The following RBPMS2 variants were observed in gnomAD, a reference collection of about 807,000 sequenced individuals.
The protein encoded by RBPMS2 is RNA-binding protein with multiple splicing 2.
In RBPMS2, 14 loss-of-function variants were observed where a neutral mutation model predicts 25.7. That is an observed-to-expected ratio of 0.55 (90% CI 0.36 to 0.85). The LOEUF is 0.85. RBPMS2 is among the 40% of genes least tolerant of loss of function. The probability of loss-of-function intolerance (pLI) is 0.01; values close to 1 mark genes in which losing one functional copy is unlikely to be tolerated. For missense variants in RBPMS2, 252 were observed against 283.4 expected (o/e 0.89, Z 0.80); for synonymous variants, 127 against 115.6 (o/e 1.10, Z -0.63).
rs112960626 is a variant in RBPMS2, at chr15:64,750,764, G to T, written c.166-383C>A. ...TTTAAAGATTCTTACTGTTAGCTGGGCATCATGGCTCACGTCTGTAATCCC... is the reference window on the plus strand; with the variant it reads ...TTTAAAGATTCTTACTGTTAGCTGGTCATCATGGCTCACGTCTGTAATCCC... On this transcript the variant is annotated intron_variant, in intron 2 of 7. Transcript: ENST00000300069. Among the ~76,000 whole-genome samples, 925 of 152,328 alleles carry T rather than the reference G, an allele frequency of 6.1e-3. 5 individuals are homozygous for T. The highest frequency in any genetic ancestry group is 0.019 in the African/African-American group (806 of 41,574).
intron 1 of RBPMS2, among the ~76,000 whole-genome samples, chr15:64,761,398 G>A (rs1173730644): frequency 2.6e-5 from 4 of 152,316 alleles, no homozygotes; most frequent in East Asian, 3.9e-4. Flanking sequence ...GGGGTCGAGC[G>A]AGTTGCTCGC....
intron 3 of RBPMS2, 58 bp from the exon 4 acceptor site, chr15:64,749,551 C>A: frequency 2.2e-6 from 3 of 1,382,654 alleles, no homozygotes; most frequent in Admixed American, 3.9e-5. Context: ...CCTCTCCCTC[C>A]AAAATAACAA....
At chr15:64,759,066 T>C (rs1350898759) in intron 1 of RBPMS2, among the ~76,000 whole-genome samples, 1 of 152,136 alleles carries the variant, frequency 6.6e-6, no homozygotes, top group Admixed American at 6.6e-5. Context: ...ACTGGAATTA[T>C]AGGTGTGAGC....
chr15:64,764,842 C>T lies in RBPMS2; in HGVS notation c.87+10391G>A, dbSNP rs538411470. Among the ~76,000 whole-genome samples, 122 of 150,136 alleles carry T rather than the reference C, an allele frequency of 8.1e-4. 1 individual carries two copies. The highest frequency in any genetic ancestry group is 2.4e-4 in the Non-Finnish European group (16 of 67,686). ...CCGAGGCAGGAGAATGGTGTGAACCCGGGAGGTGGAGCTGGCAATGAGCTG... is the reference window on the plus strand; with the variant it reads ...CCGAGGCAGGAGAATGGTGTGAACCTGGGAGGTGGAGCTGGCAATGAGCTG... On this transcript the variant is annotated intron_variant, in intron 1 of 7. Transcript: ENST00000300069.
chr15:64,756,597 C>G (rs551456852), intron 1 of RBPMS2, among the ~76,000 whole-genome samples: 2 of 150,944 alleles, frequency 1.3e-5, no homozygotes, highest in South Asian at 4.2e-4. Flanking sequence ...CCTGAGGAAG[C>G]CACTTCATCT....
At position 64,751,742 on chromosome 15, in the gene RBPMS2, G is replaced by C. The variant is rs545335319; in HGVS notation, c.88-104C>G. 20 of 906,828 alleles carry C rather than the reference G, an allele frequency of 2.2e-5. No individual in the cohort carries two copies. In the African/African-American group the frequency reaches 3.3e-4, roughly 15 times the overall value. 56.2% of individuals were successfully genotyped at this position (906,828 alleles called of 1,614,324 possible). A position where few individuals can be genotyped will look rare whatever the true frequency, so the allele number is the denominator to read the frequency against. On this transcript the variant is annotated intron_variant, in intron 1 of 7. Transcript: ENST00000300069. ...AACTGGAATCCTTCTAGAGCTTAGAGGAATTCAGCCTTTCCTGGGCCTCCT... is the reference window on the plus strand; with the variant it reads ...AACTGGAATCCTTCTAGAGCTTAGACGAATTCAGCCTTTCCTGGGCCTCCT...
intron 1 of RBPMS2, among the ~76,000 whole-genome samples, chr15:64,761,929 A>G (rs980673162): frequency 6.6e-6 from 1 of 151,818 alleles, no homozygotes; most frequent in Non-Finnish European, 1.5e-5. Context: ...GCTGGTCTCA[A>G]AAACTCCTGA....
At chr15:64,741,105 G>A in intron 7 of RBPMS2, 68 bp downstream of exon 7, 2 of 1,236,010 alleles carry the variant, frequency 1.6e-6, no homozygotes, top group Non-Finnish European at 2.3e-6. Context: ...GGCAGAGGGA[G>A]GAACTACGGC....
At chr15:64,759,235 G>T (rs1037613378) in intron 1 of RBPMS2, among the ~76,000 whole-genome samples, 3 of 152,182 alleles carry the variant, frequency 2.0e-5, no homozygotes, top group African/African-American at 7.2e-5. Flanking sequence ...CCCATCCTCA[G>T]CCTTGTTTCT....
intron 2 of RBPMS2, among the ~76,000 whole-genome samples, chr15:64,751,055 A>G (rs1304690870): frequency 7.3e-6 from 1 of 136,624 alleles, no homozygotes; most frequent in Non-Finnish European, 1.6e-5. Context: ...AACAAAAAGG[A>G]CAAGCGCCGT....
rs545771556 is a variant in RBPMS2, at chr15:64,741,932, G to A, written c.568-690C>T. ...TGTAATCCCAGCACTTTCGGAGGCC[G>A]AGGTGGGCGGACCACCTGAGGTTCA... On this transcript the variant is annotated intron_variant, in intron 6 of 7. Coordinates refer to ENST00000300069, the MANE Select transcript of RBPMS2 (RefSeq NM_194272.3). 8.5e-5 allele frequency among the ~76,000 whole-genome samples: 13 copies of A among 152,320 alleles called. No homozygotes were observed. The East Asian group carries it at 1.9e-3, about 23-fold the overall frequency.
At chr15:64,774,911 A>G (rs906395938) in intron 1 of RBPMS2, among the ~76,000 whole-genome samples, 2 of 151,170 alleles carry the variant, frequency 1.3e-5, no homozygotes, top group South Asian at 2.1e-4. Flanking sequence ...CGGGGTGGGG[A>G]GCAAGGGGCG....
chr15:64,770,986 G>A (rs1254490567), intron 1 of RBPMS2, among the ~76,000 whole-genome samples: 1 of 152,222 alleles, frequency 6.6e-6, no homozygotes, highest in African/African-American at 2.4e-5. Flanking sequence ...GAAGGGCAGG[G>A]AAGGGCAAAG....
At chr15:64,749,315 C>T in intron 4 of RBPMS2, 116 bp downstream of exon 4, 1 of 1,311,596 alleles carries the variant, frequency 7.6e-7, no homozygotes, top group Non-Finnish European at 1.1e-6. Context: ...TGGCCTTTGG[C>T]ACAGACAGTG....
At chr15:64,743,794 G>A (rs889552912) in intron 6 of RBPMS2, among the ~76,000 whole-genome samples, 30 of 152,180 alleles carry the variant, frequency 2.0e-4, no homozygotes, top group African/African-American at 7.0e-4. Flanking sequence ...AGCAAGCAAC[G>A]GGATGAACCT....
intron 3 of RBPMS2, among the ~76,000 whole-genome samples, chr15:64,749,880 C>T (rs968282760): frequency 6.6e-6 from 1 of 152,198 alleles, no homozygotes; most frequent in Admixed American, 6.5e-5. Context: ...TGGGAAGACT[C>T]CGGTTCTATC....
intron 1 of RBPMS2, among the ~76,000 whole-genome samples, chr15:64,765,070 CA>C (rs1567070252): frequency 6.9e-6 from 1 of 145,366 alleles, no homozygotes; most frequent in Non-Finnish European, 1.5e-5. Flanking sequence ...ACTAAAAATA[CA>C]AAAAAATTAG....
At chr15:64,744,552 C>G (rs2083595544) in intron 6 of RBPMS2, among the ~76,000 whole-genome samples, 1 of 81,884 alleles carries the variant, frequency 1.2e-5, no homozygotes. Flanking sequence ...GAGTGAAACT[C>G]TGTCTCAAAA....
chr15:64,747,711 C>T lies in RBPMS2; in HGVS notation c.567+708G>A, dbSNP rs74822260. The stretch of plus-strand genomic sequence containing the variant: ...AGACCAGAGGAAGCGCCTGCATGGC[C>T]AGGGGAAAGCCTGACTCCCTGCCTG... On this transcript the variant is annotated intron_variant, in intron 6 of 7. Coordinates refer to ENST00000300069, the MANE Select transcript of RBPMS2 (RefSeq NM_194272.3). 3.7e-3 allele frequency among the ~76,000 whole-genome samples: 561 copies of T among 152,282 alleles called. 1 individual carries two copies. Among genetic ancestry groups the T allele is most frequent in the African/African-American group, 0.013 (542 of 41,562 alleles).
Sources: allele counts gnomAD v4.1 joint callset (sites outside exome capture counted in the v4.1 genomes callset), GRCh38; gene constraint gnomAD v4.1.1; transcripts MANE v1.5; gene names NCBI Gene and HGNC (gene_info 2026-07-23, HGNC 2026-07-21).